Variants in CCDC149 observed in about 807,000 individuals in gnomAD.
CCDC149 encodes coiled-coil domain containing 149.
CCDC149 carries 45 observed loss-of-function variants against 59.9 expected under a neutral mutation model. That is an observed-to-expected ratio of 0.75 (90% CI 0.59 to 0.96). CCDC149 has a LOEUF of 0.96. Among genes scored for constraint, CCDC149 ranks in the 40% least tolerant of loss-of-function variants. The probability of loss-of-function intolerance (pLI) is 0.00; values close to 1 mark genes in which losing one functional copy is unlikely to be tolerated. For missense variants in CCDC149, 584 were observed against 664.7 expected (o/e 0.88, Z 1.33); for synonymous variants, 245 against 260.6 (o/e 0.94, Z 0.58).
intron 1 of CCDC149, among the ~76,000 whole-genome samples, chr4:24,938,976 C>A (rs1341095042): frequency 2.6e-5 from 4 of 152,234 alleles, no homozygotes; most frequent in Non-Finnish European, 5.9e-5. Flanking sequence ...GGGCAGGGCA[C>A]AGACAAACAA....
At chr4:24,887,039 A>C (rs916230130) in intron 1 of CCDC149, among the ~76,000 whole-genome samples, 1 of 152,118 alleles carries the variant, frequency 6.6e-6, no homozygotes, top group Admixed American at 6.6e-5. Context: ...ATGTTAATTC[A>C]TGCCCACACA....
chr4:24,966,059 C>T lies in CCDC149; in HGVS notation c.-65+14010G>A, dbSNP rs190500166. Among the ~76,000 whole-genome samples, 180 of 152,238 alleles carry T rather than the reference C, an allele frequency of 1.2e-3. 2 individuals carry two copies. The highest frequency in any genetic ancestry group is 3.9e-3 in the Admixed American group (60 of 15,278). ...GATTCCTCAAGTGTTTTTCCAGCTA[C>T]CCACCACTTGCCCACCGACTCCCCT... On this transcript the variant is annotated intron_variant, in intron 1 of 12. Coordinates refer to the CCDC149 transcript ENST00000389609.
At chr4:24,967,060 C>T (rs1392637638) in intron 1 of CCDC149, among the ~76,000 whole-genome samples, 1 of 152,160 alleles carries the variant, frequency 6.6e-6, no homozygotes, top group East Asian at 1.9e-4. Context: ...TATCTCAGCA[C>T]CCTGACATCG....
At chr4:24,815,478 C>A (rs923081808) in intron 12 of CCDC149, among the ~76,000 whole-genome samples, 2 of 152,158 alleles carry the variant, frequency 1.3e-5, no homozygotes, top group African/African-American at 4.8e-5. Context: ...CTTTCAGCAG[C>A]TAAATTTTTC....
chr4:24,874,256 TTTTGTTTTGTTTTTTTTTG>T (rs1377696647), intron 2 of CCDC149, among the ~76,000 whole-genome samples: 1,874 of 55,516 alleles, frequency 0.034, 87 homozygotes, highest in South Asian at 0.073. Flanking sequence ...TTTTTTTTTT[TTTTGTTTTGTTTTTTTTTG>T]TTTTTTTGCC....
At chr4:24,964,001 C>T (rs144469704) in intron 1 of CCDC149, among the ~76,000 whole-genome samples, 7 of 151,974 alleles carry the variant, frequency 4.6e-5, no homozygotes, top group Non-Finnish European at 8.8e-5. Context: ...TCAAGGCCAG[C>T]CTGGGAAATA....
At chr4:24,958,625 A>G (rs900816100) in intron 1 of CCDC149, among the ~76,000 whole-genome samples, 1 of 152,180 alleles carries the variant, frequency 6.6e-6, no homozygotes, top group Non-Finnish European at 1.5e-5. Context: ...GATTAAAACT[A>G]TAATACTTGA....
intron 1 of CCDC149, among the ~76,000 whole-genome samples, chr4:24,905,748 T>C (rs1288923484): frequency 1.3e-5 from 2 of 152,220 alleles, no homozygotes; most frequent in Non-Finnish European, 2.9e-5. Flanking sequence ...CTCTTATTTC[T>C]TAATGGGACC....
intron 3 of CCDC149, among the ~76,000 whole-genome samples, chr4:24,856,199 C>T (rs1717996308): frequency 6.6e-6 from 1 of 152,172 alleles, no homozygotes; most frequent in African/African-American, 2.4e-5. Context: ...AATCCTGCCC[C>T]TTTATTGTTG....
chr4:24,923,398 A>G (rs533250811), intron 1 of CCDC149, among the ~76,000 whole-genome samples: 1 of 152,232 alleles, frequency 6.6e-6, no homozygotes, highest in Non-Finnish European at 1.5e-5. Flanking sequence ...CTTTATCCAC[A>G]TGATGTCTAT....
chr4:24,831,637 T>G lies in CCDC149; in HGVS notation c.834A>C (p.Leu278=), dbSNP rs756643375. Residue 278 remains leucine, a synonymous_variant, in exon 9 of 13, where the codon CTA becomes CTC. Coordinates refer to ENST00000635206, the MANE Select transcript of CCDC149 (RefSeq NM_001330643.2). ...GGAGGCTGCATCCATGATCCTCAGA[T>G]AGCAGATCCTGAACTAGATAGGATA... The G allele has an allele frequency of 6.2e-7, 1 of 1,614,016 alleles. No homozygotes were observed. Among genetic ancestry groups the G allele is most frequent in the Non-Finnish European group, 8.5e-7 (1 of 1,179,960 alleles).
At chr4:24,961,016 G>A (rs1326620458) in intron 1 of CCDC149, among the ~76,000 whole-genome samples, 2 of 152,282 alleles carry the variant, frequency 1.3e-5, no homozygotes, top group Admixed American at 1.3e-4. Context: ...AGGCAAAGTA[G>A]AATAGTTGGT....
At chr4:24,943,084 C>A (rs540363613) in intron 1 of CCDC149, among the ~76,000 whole-genome samples, 1 of 151,632 alleles carries the variant, frequency 6.6e-6, no homozygotes, top group Non-Finnish European at 1.5e-5. Flanking sequence ...GAGCCCGCAT[C>A]GCCAAGTCAA....
chr4:24,879,201 C>T (rs1398308104), intron 1 of CCDC149, among the ~76,000 whole-genome samples: 1 of 152,106 alleles, frequency 6.6e-6, no homozygotes, highest in African/African-American at 2.4e-5. Flanking sequence ...AAGTCTTTGG[C>T]ATCTATAAGG....
At chr4:24,904,469 C>T (rs1721358762) in intron 1 of CCDC149, among the ~76,000 whole-genome samples, 2 of 152,144 alleles carry the variant, frequency 1.3e-5, no homozygotes, top group South Asian at 2.1e-4. Flanking sequence ...GAAAGTTATT[C>T]GGTTGTATAC....
Position 24,831,548 on chromosome 4 carries a change from T to C in CCDC149, c.923A>G (p.His308Arg). The C allele has an allele frequency of 6.2e-7, 1 of 1,614,118 alleles. No homozygotes were observed. Among genetic ancestry groups the C allele is most frequent in the Non-Finnish European group, 8.5e-7 (1 of 1,180,014 alleles). ...GTGCTGAATGACCATGTTTTTCTCGTGGATTGTTTCCAACAGGGCTGTTGC... is the reference window on the plus strand; with the variant it reads ...GTGCTGAATGACCATGTTTTTCTCGCGGATTGTTTCCAACAGGGCTGTTGC... Residue 308 changes from histidine to arginine, a missense_variant, in exon 9 of 13, where the codon CAC becomes CGC. Physicochemically the swap from His to Arg is conservative, Grantham distance 29. Coordinates refer to ENST00000635206, the MANE Select transcript of CCDC149 (RefSeq NM_001330643.2).
At chr4:24,908,063 A>T (rs186984139) in intron 1 of CCDC149, among the ~76,000 whole-genome samples, 274 of 151,744 alleles carry the variant, frequency 1.8e-3, no homozygotes, top group African/African-American at 6.1e-3. Context: ...ACCCAAGATG[A>T]CCTCATCATA....
intron 12 of CCDC149, among the ~76,000 whole-genome samples, chr4:24,809,387 T>A (rs1371938702): frequency 6.6e-6 from 1 of 152,192 alleles, no homozygotes; most frequent in Non-Finnish European, 1.5e-5. Flanking sequence ...TGAGTTGTTG[T>A]CCCTAAACCC....
intron 3 of CCDC149, among the ~76,000 whole-genome samples, chr4:24,869,331 G>A (rs542102949): frequency 6.6e-6 from 1 of 152,332 alleles, no homozygotes; most frequent in African/African-American, 2.4e-5. Flanking sequence ...GAGGAAGCAG[G>A]CGCAGAAAAG....
Sources: allele counts gnomAD v4.1 joint callset (sites outside exome capture counted in the v4.1 genomes callset), GRCh38; gene constraint gnomAD v4.1.1; transcripts MANE v1.5; gene names NCBI Gene and HGNC (gene_info 2026-07-23, HGNC 2026-07-21).